The following TBC1D32 variants were observed in gnomAD, a reference collection of about 807,000 sequenced individuals.
The protein encoded by TBC1D32 is protein broad-minded.
A neutral mutation model predicts 170.3 loss-of-function variants in TBC1D32; 151 were observed. That is an observed-to-expected ratio of 0.89 (90% confidence interval 0.78 to 1.01). The LOEUF (loss-of-function observed/expected upper bound fraction) is 1.01. Among genes scored for constraint, TBC1D32 ranks in the 50% least tolerant of loss-of-function variants. TBC1D32 has a pLI of 0.00. For synonymous variants in TBC1D32, 498 were observed against 488.0 expected (o/e 1.02, Z -0.27); for missense variants, 1,464 against 1,457.1 (o/e 1.00, Z -0.08).
At chr6:121,170,505 C>T in intron 22 of TBC1D32, 1 of 1,594,514 alleles carries the variant, frequency 6.3e-7, no homozygotes, top group Non-Finnish European at 8.5e-7. Context: ...GTGTCCAGAT[C>T]ACAGCATATC....
intron 31 of TBC1D32, among the ~76,000 whole-genome samples, chr6:121,083,818 C>A (rs1775906301): frequency 1.3e-5 from 2 of 152,064 alleles, no homozygotes; most frequent in Non-Finnish European, 2.9e-5. Context: ...TAAATGTAGA[C>A]AATAATATCA....
Position 121,080,712 on chromosome 6 carries a change from G to T in TBC1D32, c.*59C>A, listed in dbSNP as rs1280599227. ...TGTTACAGACACAGAAAAACATCAAGCCCCCCTGCTGTGTTTAAAAATAAA... is the reference window on the plus strand; with the variant it reads ...TGTTACAGACACAGAAAAACATCAATCCCCCCTGCTGTGTTTAAAAATAAA... On this transcript the variant is annotated 3_prime_UTR_variant, in exon 32 of 32. Coordinates refer to ENST00000398212, the MANE Select transcript of TBC1D32 (RefSeq NM_152730.6). 42 of 1,529,030 alleles carry T rather than the reference G, an allele frequency of 2.7e-5. No homozygotes were observed. The East Asian group carries it at 8.9e-4, about 32-fold the overall frequency. 94.7% of individuals were successfully genotyped at this position (1,529,030 alleles called of 1,614,324 possible). A position where few individuals can be genotyped will look rare whatever the true frequency, so the allele number is the denominator to read the frequency against.
At chr6:121,147,276 A>G (rs1272712649) in intron 24 of TBC1D32, among the ~76,000 whole-genome samples, 1 of 152,186 alleles carries the variant, frequency 6.6e-6, no homozygotes, top group Non-Finnish European at 1.5e-5. Context: ...GCTGCAATGA[A>G]AACACGAGTG....
At chr6:121,247,854 A>G (rs981764961) in intron 17 of TBC1D32, among the ~76,000 whole-genome samples, 1 of 151,958 alleles carries the variant, frequency 6.6e-6, no homozygotes, top group Non-Finnish European at 1.5e-5. Flanking sequence ...GAGATTGACA[A>G]CAACACAGGA....
chr6:121,171,947 A>T (rs2128254894), intron 22 of TBC1D32, among the ~76,000 whole-genome samples: 1 of 152,234 alleles, frequency 6.6e-6, no homozygotes, highest in South Asian at 2.1e-4. Flanking sequence ...TCCACTTAGA[A>T]ATAACCCAAA....
At chr6:121,174,541 G>C (rs1787500045) in intron 22 of TBC1D32, among the ~76,000 whole-genome samples, 1 of 152,184 alleles carries the variant, frequency 6.6e-6, no homozygotes, top group Non-Finnish European at 1.5e-5. Context: ...GACATGGAAG[G>C]AGGGGAAATC....
intron 29 of TBC1D32, among the ~76,000 whole-genome samples, chr6:121,108,566 G>A (rs1778916179): frequency 6.6e-6 from 1 of 151,884 alleles, no homozygotes; most frequent in Non-Finnish European, 1.5e-5. Context: ...TGAGATCCTA[G>A]AAAGTGACAT....
intron 6 of TBC1D32, 54 bp downstream of exon 6, chr6:121,304,701 T>C (rs1355998404): frequency 1.3e-6 from 2 of 1,525,178 alleles, no homozygotes; most frequent in African/African-American, 1.4e-5. Flanking sequence ...TCCTATCCAT[T>C]CTTAAGTACA....
At chr6:121,188,307 T>C (rs1789474086) in intron 22 of TBC1D32, among the ~76,000 whole-genome samples, 1 of 152,080 alleles carries the variant, frequency 6.6e-6, no homozygotes, top group Non-Finnish European at 1.5e-5. Flanking sequence ...AGCATGTACT[T>C]TGAAAATAAA....
chr6:121,209,871 G>A (rs9482122), intron 21 of TBC1D32, among the ~76,000 whole-genome samples: 74,835 of 152,022 alleles, frequency 0.49, 22,017 homozygotes, highest in Non-Finnish European at 0.68. Context: ...CCAGTTGTCC[G>A]TGCTTTTTCT....
intron 26 of TBC1D32, among the ~76,000 whole-genome samples, chr6:121,118,488 G>A (rs939187508): frequency 6.6e-6 from 1 of 152,200 alleles, no homozygotes; most frequent in Non-Finnish European, 1.5e-5. Flanking sequence ...ATATCACTCA[G>A]TGTGGGTCAT....
chr6:121,081,082 T>G (rs1775598885), intron 31 of TBC1D32, among the ~76,000 whole-genome samples, 192 bp from the exon 32 acceptor site: 1 of 152,060 alleles, frequency 6.6e-6, no homozygotes, highest in Non-Finnish European at 1.5e-5. Context: ...AAACTATATG[T>G]CCCCCTTAAA....
intron 21 of TBC1D32, among the ~76,000 whole-genome samples, chr6:121,217,667 A>G (rs1794002422): frequency 6.6e-6 from 1 of 152,160 alleles, no homozygotes; most frequent in Non-Finnish European, 1.5e-5. Flanking sequence ...GAGAAGGGAG[A>G]GGAACAGAAA....
At chr6:121,308,610 T>A (rs1193076653) in intron 4 of TBC1D32, among the ~76,000 whole-genome samples, 2 of 151,388 alleles carry the variant, frequency 1.3e-5, no homozygotes, top group Non-Finnish European at 2.9e-5. Context: ...TCTGACTACT[T>A]AGGTAGAAAA....
chr6:121,266,582 A>G (rs908177785), intron 15 of TBC1D32, among the ~76,000 whole-genome samples: 1 of 152,174 alleles, frequency 6.6e-6, no homozygotes, highest in Non-Finnish European at 1.5e-5. Flanking sequence ...AAAGGAATAT[A>G]AATCATTCTA....
At chr6:121,217,081 G>C (rs887796413) in intron 21 of TBC1D32, among the ~76,000 whole-genome samples, 1 of 152,314 alleles carries the variant, frequency 6.6e-6, no homozygotes, top group Non-Finnish European at 1.5e-5. Context: ...CTCCCATTTG[G>C]CCTGTGCAGA....
At chr6:121,088,399 CAG>C (rs1776471941) in intron 31 of TBC1D32, among the ~76,000 whole-genome samples, 1 of 151,982 alleles carries the variant, frequency 6.6e-6, no homozygotes, top group African/African-American at 2.4e-5. Flanking sequence ...GTATTTTTGA[CAG>C]GGGATGTTTC....
At chr6:121,132,688 T>C (rs1781571999) in intron 24 of TBC1D32, among the ~76,000 whole-genome samples, 1 of 151,994 alleles carries the variant, frequency 6.6e-6, no homozygotes, top group African/African-American at 2.4e-5. Context: ...AAACTGAAGA[T>C]AATGAATAGA....
chr6:121,180,138 C>T (rs868410114), intron 22 of TBC1D32, among the ~76,000 whole-genome samples: 5 of 152,088 alleles, frequency 3.3e-5, no homozygotes, highest in East Asian at 1.9e-4. Context: ...GATTGGAAAA[C>T]GGTATTATGC....
Sources: gnomAD v4.1 joint callset for allele counts (sites outside exome capture counted in the v4.1 genomes callset) on GRCh38, gnomAD v4.1.1 for gene constraint, MANE v1.5 for transcripts, NCBI Gene and HGNC (gene_info 2026-07-23, HGNC 2026-07-21) for gene names.